The following SNX6 variants were observed in gnomAD, a reference collection of about 807,000 sequenced individuals.
The protein encoded by SNX6 is sorting nexin 6, also known as sorting nexin-6.
A neutral mutation model predicts 63.0 loss-of-function variants in SNX6; 34 were observed. The observed-to-expected ratio is 0.54, with a 90% CI of 0.41 to 0.72. The LOEUF is 0.72. Among genes scored for constraint, SNX6 ranks in the 30% least tolerant of loss-of-function variants. The pLI is 0.00. For synonymous variants in SNX6, 170 were observed against 164.2 expected, an observed-to-expected ratio of 1.04 and a Z score of -0.27; for missense variants, 398 against 471.4, an observed-to-expected ratio of 0.84 and a Z score of 1.44.
intron 4 of SNX6, among the ~76,000 whole-genome samples, chr14:34,607,275 T>C (rs1472060540): frequency 6.6e-6 from 1 of 151,804 alleles, no homozygotes; most frequent in African/African-American, 2.4e-5. Context: ...AAAAAACATA[T>C]CAGGCTGAGT....
intron 9 of SNX6, among the ~76,000 whole-genome samples, chr14:34,585,931 G>A (rs762064625): frequency 6.8e-6 from 1 of 148,010 alleles, no homozygotes; most frequent in Non-Finnish European, 1.5e-5. Context: ...TTGAGATGGA[G>A]TCTCACTCTG....
chr14:34,603,204 G>A, intron 6 of SNX6, 144 bp downstream of exon 6: 1 of 641,738 alleles, frequency 1.6e-6, no homozygotes, highest in South Asian at 3.5e-5. Flanking sequence ...CATGAACCCG[G>A]GAGGCGGAGC....
At chr14:34,574,655 T>G (rs1375336272) in intron 11 of SNX6, among the ~76,000 whole-genome samples, 1 of 151,552 alleles carries the variant, frequency 6.6e-6, no homozygotes, top group African/African-American at 2.4e-5. Flanking sequence ...AAGAAATCCT[T>G]TAGCAATACA....
chr14:34,620,866 C>T (rs774209775), intron 2 of SNX6, among the ~76,000 whole-genome samples: 6 of 151,960 alleles, frequency 3.9e-5, no homozygotes, highest in East Asian at 3.9e-4. Flanking sequence ...TGCTTAAATC[C>T]GGGAGGGAGA....
At chr14:34,601,004 A>G (rs982554045) in intron 6 of SNX6, among the ~76,000 whole-genome samples, 3 of 150,760 alleles carry the variant, frequency 2.0e-5, no homozygotes, top group Admixed American at 6.7e-5. Context: ...GGCGACAGAG[A>G]CTCTGCCTCA....
chr14:34,565,096 GAGA>G (rs1232125876), intron 13 of SNX6, among the ~76,000 whole-genome samples: 1 of 120,974 alleles, frequency 8.3e-6, no homozygotes, highest in Non-Finnish European at 1.7e-5. Flanking sequence ...TTTTTTTTTG[GAGA>G]AGGAGTCTTG....
intron 2 of SNX6, among the ~76,000 whole-genome samples, chr14:34,628,776 G>C (rs1018291140): frequency 1.3e-5 from 2 of 152,108 alleles, no homozygotes; most frequent in African/African-American, 4.8e-5. Flanking sequence ...ACATTAAAAC[G>C]GATAAGAAAA....
At position 34,565,683 on chromosome 14, in the gene SNX6, AT is replaced by A. The variant is rs151333176; in HGVS notation, c.1167+2002del. ...AGGCGTGCACCACTATGCCTGGCTG[AT>A]TTTTTTTTTTTCTTTTTTATTTTGA... On this transcript the variant is annotated intron_variant, in intron 13 of 13. Coordinates refer to ENST00000362031, the MANE Select transcript of SNX6 (RefSeq NM_152233.4). 2.5e-3 allele frequency among the ~76,000 whole-genome samples: 343 copies of A among 137,430 alleles called. 2 individuals carry two copies. Among genetic ancestry groups the A allele is most frequent in the African/African-American group, 6.0e-3 (219 of 36,520 alleles). The allele number at this position is 137,430 out of a possible 152,430, so 90.2% of individuals were successfully genotyped here. A position where few individuals can be genotyped will look rare whatever the true frequency, so the allele number is the denominator to read the frequency against.
intron 2 of SNX6, among the ~76,000 whole-genome samples, chr14:34,619,465 G>GAT (rs1028088142): frequency 1.1e-4 from 17 of 151,904 alleles, no homozygotes; most frequent in African/African-American, 3.9e-4. Context: ...GAGAGAGAGA[G>GAT]AGATAGAATA....
At chr14:34,567,793 T>C (rs762194265) in intron 12 of SNX6, 22 bp from the exon 13 acceptor site, 5 of 1,612,308 alleles carry the variant, frequency 3.1e-6, no homozygotes, top group East Asian at 2.2e-5. Context: ...AAATTAGGAT[T>C]ATTTAATTTA....
chr14:34,568,926 C>G, intron 11 of SNX6: 1 of 1,312,142 alleles, frequency 7.6e-7, no homozygotes, highest in Non-Finnish European at 1.1e-6. Flanking sequence ...CAGCGCCACC[C>G]CAGAGGTACA....
chr14:34,606,900 C>G (rs1366021372), intron 4 of SNX6, among the ~76,000 whole-genome samples: 1 of 152,024 alleles, frequency 6.6e-6, no homozygotes, highest in Non-Finnish European at 1.5e-5. Flanking sequence ...CTCAGCCTTC[C>G]AAGTATCTGG....
Position 34,600,632 on chromosome 14 carries a change from T to C in SNX6, c.516+2716A>G, listed in dbSNP as rs201915315. Reference sequence around the variant, plus strand: ...ACATGAGCACTATGCTATATTTATTTTCTGCAAAAATTATGAATTAATCTT... The same window carrying C: ...ACATGAGCACTATGCTATATTTATTCTCTGCAAAAATTATGAATTAATCTT... On this transcript the variant is annotated intron_variant, in intron 6 of 13. Transcript: ENST00000362031. Among the ~76,000 whole-genome samples the C allele has an allele frequency of 2.0e-5, 3 of 152,264 alleles. No individual in the cohort carries two copies. The East Asian group carries it at 5.8e-4, about 29-fold the overall frequency.
intron 10 of SNX6, among the ~76,000 whole-genome samples, chr14:34,579,079 G>A (rs1456404620): frequency 6.6e-6 from 1 of 151,682 alleles, no homozygotes; most frequent in Admixed American, 6.6e-5. Context: ...ATTCTTGTGG[G>A]CATGCAAATT....
At position 34,603,458 on chromosome 14, in the gene SNX6, T is replaced by A; in HGVS notation, c.406A>T (p.Ile136Leu). ...TGCATCGCAACTGTCTTCTTGAATA[T>A]TGCCAAATATTCACTAGAAACAATA... is the stretch of plus-strand genomic sequence containing the variant. ...KQELEAEYLAIFKKTVAMHEV... is the reference protein window; with the variant it reads ...KQELEAEYLALFKKTVAMHEV... The change falls in exon 6 of 14, where the codon ATA (isoleucine) becomes TTA (leucine). Residue 136 changes from isoleucine (I) to leucine (L), a missense_variant. Physicochemically the swap from Ile to Leu is conservative, Grantham distance 5. Coordinates refer to ENST00000362031, the MANE Select transcript of SNX6 (RefSeq NM_152233.4). 6.3e-7 allele frequency: 1 copy of A among 1,595,592 alleles called. No homozygotes were observed. The highest frequency in any genetic ancestry group is 8.5e-7 in the Non-Finnish European group (1 of 1,172,108).
chr14:34,593,235 GATC>G, intron 7 of SNX6, 85 bp from the exon 8 acceptor site: 1 of 810,732 alleles, frequency 1.2e-6, no homozygotes, highest in Non-Finnish European at 1.9e-6. Context: ...AAATATAAAA[GATC>G]ATCAGTAAAA....
At chr14:34,621,101 A>C (rs1296018717) in intron 2 of SNX6, among the ~76,000 whole-genome samples, 1 of 152,014 alleles carries the variant, frequency 6.6e-6, no homozygotes, top group African/African-American at 2.4e-5. Flanking sequence ...TGCATGTGTG[A>C]CCACACCCTG....
At chr14:34,596,071 T>G in intron 7 of SNX6, among the ~76,000 whole-genome samples, 1 of 151,364 alleles carries the variant, frequency 6.6e-6, no homozygotes, top group East Asian at 2.0e-4. Flanking sequence ...TACAAAAAAA[T>G]TAGCTGGGCG....
At chr14:34,578,463 T>C (rs1264363747) in intron 10 of SNX6, among the ~76,000 whole-genome samples, 2 of 151,054 alleles carry the variant, frequency 1.3e-5, no homozygotes, top group Non-Finnish European at 2.9e-5. Flanking sequence ...GAAACCCATC[T>C]CTACTAAAGT....
Sources: allele counts gnomAD v4.1 joint callset (sites outside exome capture counted in the v4.1 genomes callset), GRCh38; gene constraint gnomAD v4.1.1; transcripts MANE v1.5; gene names NCBI Gene and HGNC (gene_info 2026-07-23, HGNC 2026-07-21).